Variants in LINGO2 observed in about 807,000 individuals in gnomAD.
The protein encoded by LINGO2 is leucine-rich repeat and immunoglobulin-like domain-containing nogo receptor-interacting protein 2.
LINGO2 carries 14 observed loss-of-function variants against 30.6 expected under a neutral mutation model. The observed-to-expected ratio is 0.46, with a 90% confidence interval of 0.30 to 0.72. The LOEUF (loss-of-function observed/expected upper bound fraction) is 0.72, where lower values mean the gene tolerates loss of function less well. Ranked by LOEUF, LINGO2 falls within the 30% of genes least tolerant of loss-of-function variation. The pLI, the probability that LINGO2 is intolerant of heterozygous loss-of-function variation, is 0.07. For missense variants in LINGO2, 729 were observed against 751.7 expected, an observed-to-expected ratio of 0.97 and a Z score of 0.35; for synonymous variants, 317 against 288.5, an observed-to-expected ratio of 1.10 and a Z score of -1.00.
intron 4 of LINGO2, among the ~76,000 whole-genome samples, chr9:28,051,230 A>G (rs563699574): frequency 2.0e-5 from 3 of 151,970 alleles, no homozygotes; most frequent in African/African-American, 7.3e-5. Flanking sequence ...GTTTTCTCCA[A>G]AGTGAAGACT....
the LINGO2 span, among the ~76,000 whole-genome samples, chr9:28,810,147 A>C: frequency 2.6e-5 from 4 of 152,192 alleles, no homozygotes; most frequent in East Asian, 3.9e-4. Context: ...TTAAGAAAAA[A>C]AAAGTTAAGC....
intron 4 of LINGO2, among the ~76,000 whole-genome samples, chr9:28,041,514 TA>T (rs1165147939): frequency 6.6e-6 from 1 of 152,170 alleles, no homozygotes; most frequent in Admixed American, 6.5e-5. Context: ...AAGAGCTACT[TA>T]GAGGAAAATT....
chr9:28,492,655 T>C (rs968173759), intron 1 of LINGO2, among the ~76,000 whole-genome samples: 4 of 152,156 alleles, frequency 2.6e-5, no homozygotes, highest in Non-Finnish European at 4.4e-5. Context: ...TTGAAGAAGA[T>C]GCATTGAAAG....
chr9:28,382,415 G>A (rs1247216286), intron 2 of LINGO2, among the ~76,000 whole-genome samples: 1 of 152,186 alleles, frequency 6.6e-6, no homozygotes, highest in African/African-American at 2.4e-5. Context: ...AATGATTTTA[G>A]TTAAATACCT....
chr9:28,296,137 T>G (rs1176250894), intron 3 of LINGO2, among the ~76,000 whole-genome samples: 1 of 152,204 alleles, frequency 6.6e-6, no homozygotes, highest in Non-Finnish European at 1.5e-5. Flanking sequence ...TGAATAAATA[T>G]GGCATTTAAA....
the LINGO2 span, among the ~76,000 whole-genome samples, chr9:28,903,972 C>A: frequency 6.6e-6 from 1 of 151,986 alleles, no homozygotes; most frequent in Non-Finnish European, 1.5e-5. Flanking sequence ...AAAATACTAG[C>A]AAATCAAATT....
At chr9:28,438,827 CATAT>C (rs200082723) in intron 2 of LINGO2, among the ~76,000 whole-genome samples, 80 of 130,804 alleles carry the variant, frequency 6.1e-4, no homozygotes, top group Middle Eastern at 4.5e-3. Flanking sequence ...AAAATATATA[CATAT>C]ATATATATAT....
chr9:28,230,997 T>TGAATAA (rs1265070678), intron 4 of LINGO2, among the ~76,000 whole-genome samples: 1 of 151,984 alleles, frequency 6.6e-6, no homozygotes. Context: ...TAATCTCAGC[T>TGAATAA]ATGACCACTA....
the LINGO2 span, among the ~76,000 whole-genome samples, chr9:28,791,413 AT>A: frequency 6.6e-6 from 1 of 152,120 alleles, no homozygotes; most frequent in African/African-American, 2.4e-5. Flanking sequence ...ATGTACTGTG[AT>A]TTAGACTATG....
At chr9:28,981,958 C>A in the LINGO2 span, among the ~76,000 whole-genome samples, 1 of 152,034 alleles carries the variant, frequency 6.6e-6, no homozygotes, top group Non-Finnish European at 1.5e-5. Context: ...CACTTTGATT[C>A]AACTGCCGGC....
chr9:28,059,233 A>T (rs1449435772), intron 4 of LINGO2, among the ~76,000 whole-genome samples: 1 of 152,080 alleles, frequency 6.6e-6, no homozygotes, highest in African/African-American at 2.4e-5. Flanking sequence ...TCACAGCTGT[A>T]GATCATGTGC....
intron 4 of LINGO2, among the ~76,000 whole-genome samples, chr9:28,186,660 A>T (rs1819552541): frequency 6.6e-6 from 1 of 152,118 alleles, no homozygotes; most frequent in African/African-American, 2.4e-5. Context: ...AAGAATCAAA[A>T]AATGTGAAGA....
At chr9:28,368,666 G>A (rs924970794) in intron 3 of LINGO2, among the ~76,000 whole-genome samples, 2 of 147,398 alleles carry the variant, frequency 1.4e-5, no homozygotes, top group African/African-American at 2.5e-5. Flanking sequence ...GCGCTATCTC[G>A]GCTCACTGCA....
In LINGO2 at chr9:28,044,217, T is replaced by G. The variant is rs75000972; in HGVS notation, c.-86-31812A>C. On this transcript the variant is annotated intron_variant, in intron 4 of 5. Coordinates refer to ENST00000379992, the Ensembl canonical transcript of LINGO2. Reference sequence around the variant, plus strand: ...GAACCTGAATGTATCATTTGTAAAATGGGAGTAATGATACCACCTCAAGGA... The same window carrying G: ...GAACCTGAATGTATCATTTGTAAAAGGGGAGTAATGATACCACCTCAAGGA... Among the ~76,000 whole-genome samples, 1,435 of 152,332 alleles carry G rather than the reference T, an allele frequency of 9.4e-3. 15 individuals carry two copies. Among genetic ancestry groups the G allele is most frequent in the Middle Eastern group, 0.031 (9 of 294 alleles).
intron 1 of LINGO2, among the ~76,000 whole-genome samples, chr9:28,577,780 A>C (rs550859356): frequency 1.8e-4 from 27 of 152,308 alleles, no homozygotes; most frequent in African/African-American, 6.5e-4. Flanking sequence ...TGTATAAATA[A>C]ATGCCAAGTA....
At chr9:29,061,472 T>C in the LINGO2 span, among the ~76,000 whole-genome samples, 2 of 151,802 alleles carry the variant, frequency 1.3e-5, no homozygotes, top group Non-Finnish European at 2.9e-5. Flanking sequence ...GTGATGCTGG[T>C]ATTAAAAAAA....
chr9:28,914,352 G>A, the LINGO2 span, among the ~76,000 whole-genome samples: 2 of 152,152 alleles, frequency 1.3e-5, no homozygotes, highest in Non-Finnish European at 2.9e-5. Flanking sequence ...TAAGGTTATG[G>A]ACTTTATGTG....
At chr9:28,735,919 C>T in the LINGO2 span, among the ~76,000 whole-genome samples, 13 of 152,212 alleles carry the variant, frequency 8.5e-5, no homozygotes, top group Non-Finnish European at 7.4e-5. Context: ...TATAGTCATA[C>T]AAAAGGTGTT....
intron 4 of LINGO2, among the ~76,000 whole-genome samples, chr9:28,044,443 G>A (rs948682161): frequency 6.6e-6 from 1 of 152,192 alleles, no homozygotes; most frequent in Non-Finnish European, 1.5e-5. Flanking sequence ...TGGATCAGCT[G>A]TAAGTCTCAA....
Sources: allele counts gnomAD v4.1 joint callset (sites outside exome capture counted in the v4.1 genomes callset), GRCh38; gene constraint gnomAD v4.1.1; transcripts MANE v1.5; gene names NCBI Gene and HGNC (gene_info 2026-07-23, HGNC 2026-07-21).